The following FASN variants were observed in gnomAD, a reference collection of about 807,000 sequenced individuals.
FASN encodes the protein fatty acid synthase.
FASN carries 50 observed loss-of-function variants against 250.0 expected under a neutral mutation model. The observed-to-expected ratio is 0.20, with a 90% CI of 0.16 to 0.25. The LOEUF is 0.25. Ranked by LOEUF, FASN falls within the 10% of genes least tolerant of loss-of-function variation. The probability of loss-of-function intolerance (pLI) is 1.00; values close to 1 mark genes in which losing one functional copy is unlikely to be tolerated. For missense variants in FASN, 3,031 were observed against 3,498.5 expected, an observed-to-expected ratio of 0.87 and a Z score of 3.37; for synonymous variants, 1,909 against 1,584.0, an observed-to-expected ratio of 1.21 and a Z score of -4.87.
In FASN at chr17:82,083,964, C is replaced by T. The variant is rs762649934; in HGVS notation, c.5098+11G>A. ...GGAGGGCAGCGGGAGGCACCGGGGGCGGGGCCTTACCCACGGTGGTGAAGA... is the reference window on the plus strand; with the variant it reads ...GGAGGGCAGCGGGAGGCACCGGGGGTGGGGCCTTACCCACGGTGGTGAAGA... On this transcript the variant is annotated intron_variant, in intron 29 of 42. Transcript: ENST00000306749. The T allele has an allele frequency of 3.9e-5, 60 of 1,542,268 alleles. No individual in the cohort carries two copies. In the Middle Eastern group the frequency reaches 1.0e-3, roughly 26 times the overall value.
intron 41 of FASN, 139 bp downstream of exon 41, chr17:82,080,001 T>C: frequency 3.1e-6 from 3 of 960,688 alleles, no homozygotes; most frequent in Non-Finnish European, 4.9e-6. Flanking sequence ...AGCAACCGCA[T>C]CCGGCCGGGA....
intron 1 of FASN, among the ~76,000 whole-genome samples, chr17:82,097,758 G>C (rs1304514531): frequency 6.6e-6 from 1 of 152,062 alleles, no homozygotes; most frequent in Non-Finnish European, 1.5e-5. Flanking sequence ...GCTGGGCCTC[G>C]GCTCCGGGGC....
At chr17:82,097,398 T>C (rs1346012003) in intron 1 of FASN, 1 of 152,266 alleles carries the variant, frequency 6.6e-6, no homozygotes, top group Non-Finnish European at 1.5e-5. Context: ...GTCTGGCCAC[T>C]TGCACGAGGC....
In FASN at chr17:82,083,344, C is replaced by T. The variant is rs151134760; in HGVS notation, c.5423G>A (p.Arg1808Gln). The change falls in exon 32 of 43, where the codon CGG (arginine) becomes CAG (glutamine). Residue 1808 changes from arginine to glutamine, a missense_variant. Arg to Gln is a conservative substitution (Grantham distance 43). Transcript: ENST00000306749. ...AFFNESSADW[R>Q]EVWALVQAGI... is the part of the protein sequence containing the mutation. The stretch of plus-strand genomic sequence containing the variant: ...GGCCTGCACAAGCGCCCACACCTCC[C>T]GCCAGTCAGCACTGCTCTCGTTGAA... 3.2e-5 allele frequency: 51 copies of T among 1,612,688 alleles called. No homozygotes were observed. The highest frequency in any genetic ancestry group is 9.3e-5 in the African/African-American group (7 of 74,922).
intron 2 of FASN, 83 bp from the exon 3 acceptor site, chr17:82,095,555 G>A: frequency 6.5e-7 from 1 of 1,529,750 alleles, no homozygotes. Context: ...GCCCCTGGAG[G>A]GGCCATGGTG....
At chr17:82,097,177 C>CGAGAT in intron 1 of FASN, 1 of 155,788 alleles carries the variant, frequency 6.4e-6, no homozygotes, top group Non-Finnish European at 1.4e-5. Context: ...GAGAACCACT[C>CGAGAT]CTGGCCAGGA....
In FASN at chr17:82,091,649, G is replaced by T. The variant is rs769495530; in HGVS notation, c.1065C>A (p.Pro355=). The T allele has an allele frequency of 3.1e-6, 5 of 1,594,956 alleles. No homozygotes were observed. The Admixed American group carries it at 7.1e-5, about 23-fold the overall frequency. ...GGTTGGGGCTATGGAAGTGCAGGTT[G>T]GGGGCCCAGAGCCCGTGCTCCAGGG... ...LLSLEHGLWA[P]NLHFHSPNPE... Residue 355 remains proline (P), a synonymous_variant, in exon 9 of 43, where the codon CCC becomes CCA. Transcript: ENST00000306749.
intron 11 of FASN, 58 bp downstream of exon 11, chr17:82,090,302 GCAGGTGAGGACCCCA>G: frequency 6.9e-7 from 1 of 1,445,764 alleles, no homozygotes; most frequent in Non-Finnish European, 9.4e-7. Context: ...GGCCAGGGCT[GCAGGTGAGGACCCCA>G]CAGCGAGAAG....
Position 82,080,172 on chromosome 17 carries a change from C to G in FASN, c.7114G>C (p.Val2372Leu). 1 of 1,613,228 alleles carries G rather than the reference C, an allele frequency of 6.2e-7. No individual in the cohort carries two copies. The highest frequency in any genetic ancestry group is 8.5e-7 in the Non-Finnish European group (1 of 1,180,014). ...TGCTCCATGTCCGTGAACTGCTGCA[C>G]GAAGAAGCATATGGCCTCCGTCTCA... is the stretch of plus-strand genomic sequence containing the variant. ...EAETEAICFF[V>L]QQFTDMEHNR... is the part of the protein sequence containing the mutation. Residue 2372 changes from valine to leucine, a missense_variant, in exon 41 of 43, where the codon GTG becomes CTG. Val to Leu is a conservative substitution (Grantham distance 32, BLOSUM62 1). Transcript: ENST00000306749.
intron 3 of FASN, 48 bp downstream of exon 3, chr17:82,095,272 G>T (rs754473426): frequency 1.2e-6 from 2 of 1,600,654 alleles, no homozygotes; most frequent in Non-Finnish European, 8.5e-7. Flanking sequence ...CCTATTCCAC[G>T]TGAGCAGCAG....
chr17:82,081,190 A>G lies in FASN; in HGVS notation c.6569T>C (p.Leu2190Pro), dbSNP rs770973786. ...GCTGGCCTCATCCGCCTTTGAGGAC[A>G]GCTCCTGCAGTTTCCGGAGCGTGAG... Reference protein sequence around the residue: ...RQLTLRKLQELSSKADEASEL... With the variant: ...RQLTLRKLQEPSSKADEASEL... The change falls in exon 38 of 43, where the codon CTG becomes CCG. Residue 2190 changes from leucine to proline, a missense_variant. By Grantham distance (98) the Leu-to-Pro change is moderately conservative. Transcript: ENST00000306749. The G allele has an allele frequency of 6.3e-7, 1 of 1,593,964 alleles. No homozygotes were observed. Among genetic ancestry groups the G allele is most frequent in the East Asian group, 2.3e-5 (1 of 44,322 alleles).
In FASN at chr17:82,080,253, G is replaced by A. The variant is rs377707508; in HGVS notation, c.7048-15C>T. 1.2e-5 allele frequency: 19 copies of A among 1,612,874 alleles called. No individual in the cohort carries two copies. The highest frequency in any genetic ancestry group is 2.2e-5 in the East Asian group (1 of 44,886). On this transcript the variant is annotated splice_polypyrimidine_tract_variant and intron_variant, in intron 40 of 42. Coordinates refer to ENST00000306749, the MANE Select transcript of FASN (RefSeq NM_004104.5). ...GCCCGGTAGCTCTGAGAGGAAGGAG[G>A]GACTGCTGAGCAGATGGAAGGGGCG...
intron 4 of FASN, 45 bp downstream of exon 4, chr17:82,093,553 G>T: frequency 6.2e-7 from 1 of 1,611,144 alleles, no homozygotes; most frequent in South Asian, 1.1e-5. Flanking sequence ...AGCATGTGGG[G>T]ACCTGAAGGC....
In FASN at chr17:82,087,260, G is replaced by C; in HGVS notation, c.3224-7C>G. 6.2e-7 allele frequency: 1 copy of C among 1,605,744 alleles called. No homozygotes were observed. Among genetic ancestry groups the C allele is most frequent in the Non-Finnish European group, 8.5e-7 (1 of 1,177,384 alleles). ...CTCACCACCACGTCAGCCACTGTGG[G>C]GACAGGCTGGGTGAGTGCGGCATAC... On this transcript the variant is annotated splice_polypyrimidine_tract_variant and splice_region_variant and intron_variant, in intron 20 of 42. Transcript: ENST00000306749.
At position 82,084,066 on chromosome 17, in the gene FASN, C is replaced by T. The variant is rs754896409; in HGVS notation, c.5007G>A (p.Glu1669=). The T allele has an allele frequency of 1.2e-5, 18 of 1,550,074 alleles. No individual in the cohort carries two copies. The African/African-American group carries it at 2.0e-4, about 18-fold the overall frequency. Residue 1669 remains glutamate, a synonymous_variant, in exon 29 of 43, where the codon GAG becomes GAA. Coordinates refer to ENST00000306749, the MANE Select transcript of FASN (RefSeq NM_004104.5). ...CCGAGCCCGAGTGGATGAGCAGCGT[C>T]TCCCCGGGGCGCACCCGCCCACGCA... ...LVVRGRVRPG[E]TLLIHSGSGG...
At chr17:82,080,264 C>G in intron 40 of FASN, 26 bp from the exon 41 acceptor site, 1 of 1,612,582 alleles carries the variant, frequency 6.2e-7, no homozygotes, top group African/African-American at 1.3e-5. Flanking sequence ...GACTGCTGAG[C>G]AGATGGAAGG....
In FASN at chr17:82,098,101, C is replaced by T; in HGVS notation, c.-8+20G>A. The T allele has an allele frequency of 3.0e-6, 1 of 335,068 alleles. No homozygotes were observed. The highest frequency in any genetic ancestry group is 5.4e-6 in the Non-Finnish European group (1 of 184,594). The allele number at this position is 335,068 out of a possible 1,614,324, so 20.8% of individuals were successfully genotyped here. A position where few individuals can be genotyped will look rare whatever the true frequency, so the allele number is the denominator to read the frequency against. ...CCCGACCACGACCCGCGCCCCGGCC[C>T]CAGCGCCGGCTGCTCGTACCTGGTG... On this transcript the variant is annotated intron_variant, in intron 1 of 42. Transcript: ENST00000306749.
chr17:82,082,829 C>A, intron 33 of FASN, 85 bp downstream of exon 33: 1 of 1,571,124 alleles, frequency 6.4e-7, no homozygotes. Flanking sequence ...CGTGACAGCC[C>A]ACAATGGTGG....
At position 82,084,927 on chromosome 17, in the gene FASN, C is replaced by T. The variant is rs1469123822; in HGVS notation, c.4436G>A (p.Ser1479Asn). The T allele has an allele frequency of 2.6e-6, 4 of 1,554,202 alleles. No individual in the cohort carries two copies. The highest frequency in any genetic ancestry group is 1.9e-5 in the Admixed American group (1 of 51,302). Residue 1479 changes from serine (S) to asparagine (N), a missense_variant, in exon 26 of 43, where the codon AGC becomes AAC. Transcript: ENST00000306749. ...LRCVLLSNLS[S>N]TSHVPEVDPG... is the part of the protein sequence containing the mutation. Reference sequence around the variant, plus strand: ...GTCCACCTCCGGGACGTGGGAGGTGCTGCTGAGGTTGGAGAGCAGCACACA... The same window carrying T: ...GTCCACCTCCGGGACGTGGGAGGTGTTGCTGAGGTTGGAGAGCAGCACACA...
Sources: gnomAD v4.1 joint callset for allele counts (sites outside exome capture counted in the v4.1 genomes callset) on GRCh38, gnomAD v4.1.1 for gene constraint, MANE v1.5 for transcripts, NCBI Gene and HGNC (gene_info 2026-07-23, HGNC 2026-07-21) for gene names.